Variants in TMTC1 observed in about 807,000 individuals in gnomAD.
TMTC1 encodes transmembrane O-mannosyltransferase targeting cadherins 1, also known as protein O-mannosyl-transferase TMTC1.
A neutral mutation model predicts 104.8 loss-of-function variants in TMTC1; 73 were observed. That is an observed-to-expected ratio of 0.70 (90% CI 0.58 to 0.85). TMTC1 has a LOEUF of 0.85. TMTC1 is among the 40% of genes least tolerant of loss of function. The pLI is 0.00. For missense variants in TMTC1, 1,035 were observed against 1,096.1 expected (o/e 0.94, Z 0.79); for synonymous variants, 434 against 428.7 (o/e 1.01, Z -0.15).
intron 10 of TMTC1, 86 bp from the exon 11 acceptor site, chr12:29,536,403 T>C (rs1364865827): frequency 2.3e-6 from 2 of 865,674 alleles, no homozygotes; most frequent in African/African-American, 3.4e-5. Context: ...AAAATCTCAT[T>C]TCTTTTAGCA....
chr12:29,707,564 C>T (rs2136824020), intron 5 of TMTC1, among the ~76,000 whole-genome samples: 1 of 152,266 alleles, frequency 6.6e-6, no homozygotes, highest in South Asian at 2.1e-4. Flanking sequence ...GCCACTAGCC[C>T]TTCTCCCACT....
chr12:29,570,460 C>CT (rs761221607), intron 9 of TMTC1, among the ~76,000 whole-genome samples: 3 of 152,144 alleles, frequency 2.0e-5, no homozygotes, highest in Non-Finnish European at 2.9e-5. Context: ...CAACAAAAAG[C>CT]TTTGATACAA....
intron 6 of TMTC1, among the ~76,000 whole-genome samples, chr12:29,624,561 G>C (rs780048766): frequency 2.6e-5 from 4 of 152,082 alleles, no homozygotes; most frequent in Non-Finnish European, 5.9e-5. Flanking sequence ...GTCTGTGATG[G>C]GTCTAGTACT....
intron 7 of TMTC1, among the ~76,000 whole-genome samples, chr12:29,586,247 G>A (rs1238112741): frequency 4.6e-5 from 7 of 151,922 alleles, no homozygotes; most frequent in Non-Finnish European, 7.4e-5. Flanking sequence ...GTCTGTTATT[G>A]GTGTATAAGA....
chr12:29,725,090 G>C (rs188702174), intron 5 of TMTC1, among the ~76,000 whole-genome samples: 1 of 133,032 alleles, frequency 7.5e-6, no homozygotes, highest in Non-Finnish European at 1.6e-5. Flanking sequence ...GCATGATTTC[G>C]GCTCACTGTA....
chr12:29,681,099 C>CAAAAAAAAAAAAAAAAAAA (rs71045827), intron 5 of TMTC1, among the ~76,000 whole-genome samples: 1 of 107,238 alleles, frequency 9.3e-6, no homozygotes, highest in Non-Finnish European at 1.8e-5. Flanking sequence ...ACCCTGTCTC[C>CAAAAAAAAAAAAAAAAAAA]AAAAAAAAAA....
intron 5 of TMTC1, among the ~76,000 whole-genome samples, chr12:29,677,023 T>A (rs1940752413): frequency 6.6e-6 from 1 of 152,210 alleles, no homozygotes; most frequent in Admixed American, 6.5e-5. Context: ...GGTCCTTCTG[T>A]GGAAATGAAA....
At chr12:29,510,715 T>G (rs1270512503) in intron 17 of TMTC1, among the ~76,000 whole-genome samples, 1 of 152,232 alleles carries the variant, frequency 6.6e-6, no homozygotes, top group Admixed American at 6.5e-5. Flanking sequence ...CAAATTTTAA[T>G]CACTACACTG....
At chr12:29,545,676 C>CACACACACACACA (rs1555167547) in intron 10 of TMTC1, among the ~76,000 whole-genome samples, 5 of 137,848 alleles carry the variant, frequency 3.6e-5, no homozygotes, top group African/African-American at 5.6e-5. Context: ...CACACACACA[C>CACACACACACACA]GGATAGAAAC....
intron 10 of TMTC1, 103 bp downstream of exon 10, chr12:29,556,754 G>C: frequency 6.9e-7 from 1 of 1,456,282 alleles, no homozygotes; most frequent in Non-Finnish European, 9.4e-7. Context: ...TAATTATTCA[G>C]CTCCAGAGAG....
At chr12:29,613,840 G>T in intron 6 of TMTC1, 19 of 553,732 alleles carry the variant, frequency 3.4e-5, no homozygotes, top group Non-Finnish European at 4.4e-5. Context: ...TCCAAAGCAG[G>T]ATGATCACTT....
intron 7 of TMTC1, among the ~76,000 whole-genome samples, chr12:29,603,229 T>C (rs903312430): frequency 1.3e-5 from 2 of 152,170 alleles, no homozygotes; most frequent in African/African-American, 4.8e-5. Flanking sequence ...CTATTAGGTA[T>C]TTGGTTTGAA....
intron 1 of TMTC1, among the ~76,000 whole-genome samples, chr12:29,772,884 T>C (rs1003670702): frequency 2.0e-5 from 3 of 152,206 alleles, no homozygotes; most frequent in African/African-American, 7.2e-5. Flanking sequence ...TTTCTTTTTG[T>C]CATTGTATCC....
chr12:29,637,932 A>G (rs1444699796), intron 5 of TMTC1, among the ~76,000 whole-genome samples: 2 of 152,196 alleles, frequency 1.3e-5, no homozygotes, highest in Non-Finnish European at 2.9e-5. Flanking sequence ...TTATAAATAC[A>G]GGACATTGGG....
chr12:29,549,671 T>C (rs560831196), intron 10 of TMTC1, among the ~76,000 whole-genome samples: 178 of 152,182 alleles, frequency 1.2e-3, no homozygotes, highest in African/African-American at 4.0e-3. Flanking sequence ...AATTTTGAGA[T>C]AGAAAGAAAG....
intron 5 of TMTC1, among the ~76,000 whole-genome samples, chr12:29,673,301 A>G (rs371386997): frequency 6.6e-6 from 1 of 152,250 alleles, no homozygotes; most frequent in African/African-American, 2.4e-5. Context: ...AATAAGAATC[A>G]CAGCCGCTCT....
Position 29,755,766 on chromosome 12 carries a change from A to G in TMTC1, c.674T>C (p.Val225Ala). The change falls in exon 4 of 18, where the codon GTG (valine) becomes GCG (alanine). Residue 225 changes from valine to alanine, a missense_variant. Coordinates refer to ENST00000539277, the MANE Select transcript of TMTC1 (RefSeq NM_001193451.2). ...AMLVKETGIT[V>A]FGVCLVYDLF... ...GTCATAAACCAAGCACACTCCAAAC[A>G]CCGTGATGCCTGTCTCTTTCACCAG... 2 of 1,614,204 alleles carry G rather than the reference A, an allele frequency of 1.2e-6. No individual in the cohort carries two copies. The highest frequency in any genetic ancestry group is 4.5e-5 in the East Asian group (2 of 44,872).
intron 5 of TMTC1, among the ~76,000 whole-genome samples, chr12:29,669,598 TAG>T (rs1335626923): frequency 6.6e-6 from 1 of 152,222 alleles, no homozygotes; most frequent in Non-Finnish European, 1.5e-5. Flanking sequence ...TTCAAGTAGA[TAG>T]AGAGACCTTA....
chr12:29,606,361 T>A (rs1425938167), intron 6 of TMTC1, among the ~76,000 whole-genome samples: 1 of 152,214 alleles, frequency 6.6e-6, no homozygotes, highest in East Asian at 1.9e-4. Context: ...TACATAATTT[T>A]AAAAAATCTT....
Sources: gnomAD v4.1 joint callset for allele counts (sites outside exome capture counted in the v4.1 genomes callset) on GRCh38, gnomAD v4.1.1 for gene constraint, MANE v1.5 for transcripts, NCBI Gene and HGNC (gene_info 2026-07-23, HGNC 2026-07-21) for gene names.